Variants in RBFOX1 observed in about 807,000 individuals in gnomAD.
The protein encoded by RBFOX1 is RNA binding protein fox-1 homolog 1.
RBFOX1 carries 8 observed loss-of-function variants against 57.7 expected under a neutral mutation model. The ratio of observed to expected loss-of-function variants is 0.14; its 90% CI spans 0.08 to 0.25. RBFOX1 has a LOEUF of 0.25. RBFOX1 is among the 10% of genes least tolerant of loss of function. The probability of loss-of-function intolerance (pLI) is 1.00; values close to 1 mark genes in which losing one functional copy is unlikely to be tolerated. For synonymous variants in RBFOX1, 326 were observed against 222.4 expected, an observed-to-expected ratio of 1.47 and a Z score of -4.15; for missense variants, 611 against 548.5, an observed-to-expected ratio of 1.11 and a Z score of -1.14.
intron 4 of RBFOX1, among the ~76,000 whole-genome samples, chr16:7,262,916 G>T (rs2094975042): frequency 6.6e-6 from 1 of 152,190 alleles, no homozygotes; most frequent in South Asian, 2.1e-4. Context: ...GTGTGGAGAG[G>T]CCTGCAGTTC....
chr16:5,600,848 T>C (rs1274057289), downstream of RBFOX1, among the ~76,000 whole-genome samples: 1 of 152,172 alleles, frequency 6.6e-6, no homozygotes, highest in Non-Finnish European at 1.5e-5. Flanking sequence ...GTTGACCAAA[T>C]GTTTGATCTC....
chr16:5,458,585 C>T (rs1174789964), intron 1 of RBFOX1, among the ~76,000 whole-genome samples: 1 of 152,226 alleles, frequency 6.6e-6, no homozygotes. Flanking sequence ...CAAGGCCTCA[C>T]AGCCTAGACT....
intron 3 of RBFOX1, among the ~76,000 whole-genome samples, chr16:6,958,261 T>C (rs931438513): frequency 6.6e-6 from 1 of 152,236 alleles, no homozygotes; most frequent in South Asian, 2.1e-4. Flanking sequence ...GTTAGCAGGC[T>C]GGGCAATGCT....
At chr16:6,828,887 C>G (rs191966118) in intron 3 of RBFOX1, among the ~76,000 whole-genome samples, 1 of 152,160 alleles carries the variant, frequency 6.6e-6, no homozygotes, top group East Asian at 1.9e-4. Flanking sequence ...TAAAGAAACA[C>G]ATAAAGGTAG....
At chr16:6,977,876 G>A (rs1390912407) in intron 3 of RBFOX1, among the ~76,000 whole-genome samples, 2 of 149,550 alleles carry the variant, frequency 1.3e-5, no homozygotes, top group Non-Finnish European at 2.9e-5. Context: ...AGAAACACGT[G>A]AGCTGAGGGG....
intron 4 of RBFOX1, among the ~76,000 whole-genome samples, chr16:7,163,173 A>T (rs576490909): frequency 3.3e-5 from 5 of 152,030 alleles, no homozygotes; most frequent in African/African-American, 9.7e-5. Flanking sequence ...ATATTGGCCA[A>T]CTGAGATTTG....
At chr16:6,229,415 C>G (rs928855342) in intron 1 of RBFOX1, among the ~76,000 whole-genome samples, 2 of 151,920 alleles carry the variant, frequency 1.3e-5, no homozygotes, top group African/African-American at 4.8e-5. Context: ...TATCTTTTGT[C>G]TTACAGTTTC....
In RBFOX1 at chr16:7,450,603, C is replaced by T. The variant is rs527718299; in HGVS notation, c.28-67544C>T. 4.4e-3 allele frequency among the ~76,000 whole-genome samples: 672 copies of T among 152,202 alleles called. 3 individuals are homozygous for T. The highest frequency in any genetic ancestry group is 0.015 in the African/African-American group (627 of 41,524). On this transcript the variant is annotated intron_variant, in intron 4 of 15. Transcript: ENST00000550418. ...AAGGAGGAAAAGAGCGTTAATGTGACATCTGGGATTCCAGGCTCCTTTCCA... is the reference window on the plus strand; with the variant it reads ...AAGGAGGAAAAGAGCGTTAATGTGATATCTGGGATTCCAGGCTCCTTTCCA...
chr16:5,997,942 C>A (rs536541327), intron 4 of RBFOX1, among the ~76,000 whole-genome samples: 1 of 152,026 alleles, frequency 6.6e-6, no homozygotes, highest in Non-Finnish European at 1.5e-5. Flanking sequence ...ATCTCTTGAA[C>A]AATATAAAAA....
At chr16:6,251,768 A>G (rs551884947) in intron 1 of RBFOX1, among the ~76,000 whole-genome samples, 2 of 152,072 alleles carry the variant, frequency 1.3e-5, no homozygotes, top group South Asian at 4.2e-4. Context: ...GCTGCCCCTA[A>G]TGACGTAGCT....
intron 2 of RBFOX1, among the ~76,000 whole-genome samples, chr16:6,367,902 C>T (rs1010078674): frequency 6.6e-6 from 1 of 152,188 alleles, no homozygotes; most frequent in African/African-American, 2.4e-5. Context: ...GAAACTCAAA[C>T]CCTTGTTGTT....
chr16:6,305,175 A>G (rs1234863532), intron 1 of RBFOX1, among the ~76,000 whole-genome samples: 1 of 152,182 alleles, frequency 6.6e-6, no homozygotes, highest in Non-Finnish European at 1.5e-5. Context: ...TGTGATGTCT[A>G]CTTGGGATGG....
chr16:6,876,641 AAG>A (rs1686279647), intron 3 of RBFOX1, among the ~76,000 whole-genome samples: 1 of 151,660 alleles, frequency 6.6e-6, no homozygotes, highest in Non-Finnish European at 1.5e-5. Context: ...TTTTTTTTCT[AAG>A]AGTACATTTC....
intron 2 of RBFOX1, among the ~76,000 whole-genome samples, chr16:6,468,078 G>T (rs549502879): frequency 6.6e-6 from 1 of 152,144 alleles, no homozygotes; most frequent in African/African-American, 2.4e-5. Flanking sequence ...GGAATACGGA[G>T]TGGGGATGGT....
intron 3 of RBFOX1, among the ~76,000 whole-genome samples, chr16:6,968,165 C>G (rs1176054106): frequency 1.3e-5 from 2 of 152,146 alleles, no homozygotes; most frequent in Non-Finnish European, 2.9e-5. Flanking sequence ...GGTGGGAACC[C>G]CCTCTCCGTG....
chr16:6,783,759 C>G (rs535257995), intron 3 of RBFOX1, among the ~76,000 whole-genome samples: 1 of 152,088 alleles, frequency 6.6e-6, no homozygotes, highest in South Asian at 2.1e-4. Flanking sequence ...CAGGTAATTT[C>G]TTGCTGCACA....
At chr16:6,664,454 G>C (rs989983483) in intron 3 of RBFOX1, among the ~76,000 whole-genome samples, 2 of 152,214 alleles carry the variant, frequency 1.3e-5, no homozygotes, top group East Asian at 1.9e-4. Flanking sequence ...TGTATCTACA[G>C]ATCTGCCTCA....
At chr16:6,866,092 A>G (rs913577846) in intron 3 of RBFOX1, among the ~76,000 whole-genome samples, 5 of 152,154 alleles carry the variant, frequency 3.3e-5, no homozygotes, top group Non-Finnish European at 7.4e-5. Context: ...TGATATTTTT[A>G]TGGAAAATAA....
At chr16:6,116,276 G>T (rs778088745) in intron 1 of RBFOX1, among the ~76,000 whole-genome samples, 1 of 151,132 alleles carries the variant, frequency 6.6e-6, no homozygotes, top group Non-Finnish European at 1.5e-5. Flanking sequence ...TCAGGGGGTG[G>T]GGGGCAGGGG....
Sources: gnomAD v4.1 joint callset for allele counts (sites outside exome capture counted in the v4.1 genomes callset) on GRCh38, gnomAD v4.1.1 for gene constraint, MANE v1.5 for transcripts, NCBI Gene and HGNC (gene_info 2026-07-23, HGNC 2026-07-21) for gene names.